The following EXPH5 variants were observed in gnomAD, a reference collection of about 807,000 sequenced individuals.
EXPH5 encodes exophilin-5.
Under a neutral mutation model 41.1 loss-of-function variants are expected in EXPH5, and 42 were observed. The observed-to-expected ratio is 1.02, with a 90% CI of 0.80 to 1.32. The LOEUF (loss-of-function observed/expected upper bound fraction) is 1.32. Among genes scored for constraint, EXPH5 ranks in the 40% most tolerant of loss-of-function variants. EXPH5 has a pLI of 0.00. For missense variants in EXPH5, 2,298 were observed against 2,314.5 expected (o/e 0.99, Z 0.15); for synonymous variants, 798 against 833.5 (o/e 0.96, Z 0.73).
At chr11:108,528,625 T>C (rs956101022) in intron 3 of EXPH5, among the ~76,000 whole-genome samples, 8 of 152,054 alleles carry the variant, frequency 5.3e-5, no homozygotes, top group African/African-American at 1.9e-4. Context: ...ACATAGTTAG[T>C]TGCTGAGCTA....
At chr11:108,562,263 G>GT (rs1358194853) in intron 1 of EXPH5, among the ~76,000 whole-genome samples, 96 of 46,748 alleles carry the variant, frequency 2.1e-3, no homozygotes, top group African/African-American at 4.9e-3. Flanking sequence ...AATTTTTTCT[G>GT]TGTTTTTTTT....
chr11:108,526,496 G>A (rs997976441), intron 4 of EXPH5, among the ~76,000 whole-genome samples: 6 of 152,238 alleles, frequency 3.9e-5, no homozygotes, highest in South Asian at 2.1e-4. Flanking sequence ...GCTCTCAAAC[G>A]GCAGAGGATG....
At chr11:108,532,679 C>T (rs1037600856) in intron 3 of EXPH5, among the ~76,000 whole-genome samples, 1 of 152,068 alleles carries the variant, frequency 6.6e-6, no homozygotes, top group African/African-American at 2.4e-5. Context: ...ACAAACAAAG[C>T]TTCCTTCACT....
intron 5 of EXPH5, among the ~76,000 whole-genome samples, chr11:108,516,089 A>AAAC (rs1555189170): frequency 6.7e-6 from 1 of 150,238 alleles, no homozygotes; most frequent in Non-Finnish European, 1.5e-5. Flanking sequence ...AAAAAAAAAA[A>AAAC]CCAGAAAAAA....
intron 1 of EXPH5, among the ~76,000 whole-genome samples, chr11:108,590,044 TCC>T (rs1255539915): frequency 6.6e-6 from 1 of 152,222 alleles, no homozygotes; most frequent in Non-Finnish European, 1.5e-5. Flanking sequence ...TGTGGCCATC[TCC>T]TCCACCTTAA....
chr11:108,588,691 G>A (rs1320447373), intron 1 of EXPH5, among the ~76,000 whole-genome samples: 2 of 152,050 alleles, frequency 1.3e-5, no homozygotes, highest in African/African-American at 4.8e-5. Context: ...ATTAGCTTTT[G>A]GAAAAGAAGA....
At chr11:108,593,859 GT>G, upstream of EXPH5, 1 of 886,416 alleles carries the variant, frequency 1.1e-6, no homozygotes, top group Non-Finnish European at 1.7e-6. Flanking sequence ...GTCTCGTCCC[GT>G]CCCTCGTCCC....
chr11:108,563,764 A>G (rs1261143701), intron 1 of EXPH5, among the ~76,000 whole-genome samples: 1 of 152,168 alleles, frequency 6.6e-6, no homozygotes, highest in African/African-American at 2.4e-5. Context: ...GGAGAGGCAG[A>G]GGTTGATGGG....
At chr11:108,605,654 G>A in the EXPH5 span, among the ~76,000 whole-genome samples, 6 of 152,220 alleles carry the variant, frequency 3.9e-5, no homozygotes, top group Non-Finnish European at 7.3e-5. Context: ...TGGATTCAGA[G>A]AACCTAGGTT....
At chr11:108,566,187 T>C (rs1418576215) in intron 1 of EXPH5, among the ~76,000 whole-genome samples, 1 of 152,212 alleles carries the variant, frequency 6.6e-6, no homozygotes, top group Non-Finnish European at 1.5e-5. Context: ...AGCTAAAGGC[T>C]AGGAAAGAAT....
At chr11:108,568,587 G>T (rs898174690) in intron 1 of EXPH5, among the ~76,000 whole-genome samples, 1 of 152,054 alleles carries the variant, frequency 6.6e-6, no homozygotes, top group Admixed American at 6.5e-5. Flanking sequence ...CAAGAGATCT[G>T]CCTTTAAATA....
chr11:108,594,901 C>T (rs2094136482), upstream of EXPH5, among the ~76,000 whole-genome samples: 1 of 152,228 alleles, frequency 6.6e-6, no homozygotes, highest in South Asian at 2.1e-4. Context: ...GCTAGCCATT[C>T]AGATAACTTT....
At position 108,509,650 on chromosome 11, in the gene EXPH5, T is replaced by C. The variant is rs1366736262; in HGVS notation, c.5857A>G (p.Ser1953Gly). The C allele has an allele frequency of 1.9e-6, 3 of 1,614,026 alleles. No homozygotes were observed. The highest frequency in any genetic ancestry group is 2.2e-5 in the East Asian group (1 of 44,882). The change falls in exon 6 of 6, where the codon AGT becomes GGT. Residue 1953 changes from serine to glycine, a missense_variant. Coordinates refer to ENST00000265843, the MANE Select transcript of EXPH5 (RefSeq NM_015065.3). ...TCCTCATAGATATTAAGCGGTTCAC[T>C]TGGAGATAAGCCATCTTCTGGCACC... is the stretch of plus-strand genomic sequence containing the variant. ...SQVPEDGLSPSEPLNIYEDDP... is the reference protein window; with the variant it reads ...SQVPEDGLSPGEPLNIYEDDP...
chr11:108,569,706 TC>T (rs1004848799), intron 1 of EXPH5, among the ~76,000 whole-genome samples: 94 of 152,292 alleles, frequency 6.2e-4, no homozygotes, highest in African/African-American at 2.1e-3. Flanking sequence ...TTTGTATATC[TC>T]CGGTACCAGG....
Position 108,509,950 on chromosome 11 carries a change from A to C in EXPH5, c.5557T>G (p.Ser1853Ala), listed in dbSNP as rs1565765560. Reference sequence around the variant, plus strand: ...TTTCCATCACAGGAGGGGAGTTCAGAAAAAGATCTGAATCTTCGACTGTAC... The same window carrying C: ...TTTCCATCACAGGAGGGGAGTTCAGCAAAAGATCTGAATCTTCGACTGTAC... Reference protein sequence around the residue: ...NGYSRRFRSFSELPSCDGNES... With the variant: ...NGYSRRFRSFAELPSCDGNES... Residue 1853 changes from serine (S) to alanine (A), a missense_variant, in exon 6 of 6, where the codon TCT (serine) becomes GCT (alanine). Physicochemically the swap from Ser to Ala is moderately conservative, Grantham distance 99. Transcript: ENST00000265843. 6 of 1,612,690 alleles carry C rather than the reference A, an allele frequency of 3.7e-6. No homozygotes were observed. The highest frequency in any genetic ancestry group is 3.3e-5 in the South Asian group (3 of 90,662).
intron 2 of EXPH5, among the ~76,000 whole-genome samples, chr11:108,541,424 G>C (rs1210559970): frequency 2.7e-5 from 4 of 150,466 alleles, no homozygotes; most frequent in Admixed American, 1.3e-4. Flanking sequence ...TATCTTGCCT[G>C]ATTCAAAAAA....
intron 4 of EXPH5, among the ~76,000 whole-genome samples, chr11:108,523,786 C>T (rs1050394794): frequency 2.6e-5 from 4 of 152,114 alleles, no homozygotes; most frequent in African/African-American, 7.2e-5. Context: ...GTGGGAGGAT[C>T]GCTTAAGCCC....
At chr11:108,580,026 G>A (rs1260266912) in intron 1 of EXPH5, among the ~76,000 whole-genome samples, 1 of 151,964 alleles carries the variant, frequency 6.6e-6, no homozygotes, top group Non-Finnish European at 1.5e-5. Flanking sequence ...AAAAACATAG[G>A]CAACAAAAGT....
chr11:108,535,547 T>C (rs2093873722), intron 3 of EXPH5, among the ~76,000 whole-genome samples: 1 of 151,940 alleles, frequency 6.6e-6, no homozygotes, highest in African/African-American at 2.4e-5. Flanking sequence ...AGTGGGGCAT[T>C]TGGAAGGAGG....
Sources: gnomAD v4.1 joint callset for allele counts (sites outside exome capture counted in the v4.1 genomes callset) on GRCh38, gnomAD v4.1.1 for gene constraint, MANE v1.5 for transcripts, NCBI Gene and HGNC (gene_info 2026-07-23, HGNC 2026-07-21) for gene names.